INPP4A: variants seen among roughly 807,000 people sequenced by gnomAD.
INPP4A encodes the protein inositol polyphosphate-4-phosphatase type I A.
Under a neutral mutation model 119.8 loss-of-function variants are expected in INPP4A, and 33 were observed. The observed-to-expected ratio is 0.28, with a 90% CI of 0.21 to 0.37. The LOEUF (loss-of-function observed/expected upper bound fraction) is 0.37. Ranked by LOEUF, INPP4A falls within the 10% of genes least tolerant of loss-of-function variation. The pLI, the probability that INPP4A is intolerant of heterozygous loss-of-function variation, is 1.00. For missense variants in INPP4A, 956 were observed against 1,289.9 expected (o/e 0.74, Z 3.97); for synonymous variants, 496 against 500.7 (o/e 0.99, Z 0.12).
chr2:98,585,300 G>GA (rs1699830834), intron 24 of INPP4A, among the ~76,000 whole-genome samples: 1 of 152,210 alleles, frequency 6.6e-6, no homozygotes, highest in Admixed American at 6.5e-5. Context: ...ACTGGAACCG[G>GA]AAAACTAGAG....
intron 2 of INPP4A, 35 bp downstream of exon 2, chr2:98,519,060 G>A (rs1378177913): frequency 1.3e-5 from 2 of 152,256 alleles, no homozygotes; most frequent in African/African-American, 4.8e-5. Context: ...AAGGACAGGA[G>A]CCCAGGTCCT....
intron 13 of INPP4A, among the ~76,000 whole-genome samples, chr2:98,551,019 C>T (rs979108106): frequency 2.6e-5 from 4 of 151,980 alleles, no homozygotes; most frequent in African/African-American, 4.8e-5. Flanking sequence ...GCACTGGCAC[C>T]GTCATAACTC....
Position 98,574,211 on chromosome 2 carries a change from G to A in INPP4A, c.2631+1284G>A, listed in dbSNP as rs748918866. Among the ~76,000 whole-genome samples, 25 of 152,096 alleles carry A rather than the reference G, an allele frequency of 1.6e-4. 1 individual carries two copies. The highest frequency in any genetic ancestry group is 8.3e-4 in the South Asian group (4 of 4,824). On this transcript the variant is annotated intron_variant, in intron 23 of 24. Transcript: ENST00000409851. Reference sequence around the variant, plus strand: ...CTGGCTACGGGGGTCTCTGCAGCAGGACAGAGGGGGCTCCCTACTTTTATT... The same window carrying A: ...CTGGCTACGGGGGTCTCTGCAGCAGAACAGAGGGGGCTCCCTACTTTTATT...
chr2:98,465,483 A>G (rs565639686), intron 1 of INPP4A, among the ~76,000 whole-genome samples: 2 of 152,344 alleles, frequency 1.3e-5, no homozygotes, highest in South Asian at 4.1e-4. Flanking sequence ...CCTTTGCTGT[A>G]TAAGGTAACA....
At chr2:98,565,413 G>A (rs923796237) in intron 19 of INPP4A, among the ~76,000 whole-genome samples, 1 of 152,166 alleles carries the variant, frequency 6.6e-6, no homozygotes, top group African/African-American at 2.4e-5. Flanking sequence ...GGGATGGCGC[G>A]TGTTTCCACC....
intron 1 of INPP4A, among the ~76,000 whole-genome samples, chr2:98,477,435 T>C (rs1421601221): frequency 6.6e-6 from 1 of 152,220 alleles, no homozygotes; most frequent in African/African-American, 2.4e-5. Context: ...CTGACCCGTT[T>C]CCAGATTCTA....
In INPP4A at chr2:98,555,667, G is replaced by T. The variant is rs1290664977; in HGVS notation, c.1681G>T (p.Ala561Ser). Residue 561 changes from alanine to serine, a missense_variant, in exon 16 of 25, where the codon GCA (alanine) becomes TCA (serine). Physicochemically the swap from Ala to Ser is moderately conservative, Grantham distance 99 (BLOSUM62 1). Transcript: ENST00000409851. ...GEGCEDVFPC[A>S]GSCTSKKGNP... The stretch of plus-strand genomic sequence containing the variant: ...GGGCTGTGAGGATGTCTTCCCCTGT[G>T]CAGGCAGCTGCACCAGCAAGAAAGG... The T allele has an allele frequency of 3.1e-6, 5 of 1,613,976 alleles. No homozygotes were observed. Among genetic ancestry groups the T allele is most frequent in the African/African-American group, 2.7e-5 (2 of 75,032 alleles).
chr2:98,533,079 T>C (rs1415162715), intron 4 of INPP4A, among the ~76,000 whole-genome samples: 7 of 152,158 alleles, frequency 4.6e-5, no homozygotes, highest in Non-Finnish European at 1.0e-4. Flanking sequence ...ACTTGAAGGG[T>C]TGGACCTATA....
In INPP4A at chr2:98,546,817, AG is replaced by A. The variant is rs1692560310; in HGVS notation, c.1163+125del. 1.5e-6 allele frequency: 1 copy of A among 677,038 alleles called. No individual in the cohort carries two copies. Among genetic ancestry groups the A allele is most frequent in the Non-Finnish European group, 2.7e-6 (1 of 374,972 alleles). The allele number at this position is 677,038 out of a possible 1,614,324, so 41.9% of individuals were successfully genotyped here. On this transcript the variant is annotated intron_variant, in intron 13 of 24. Coordinates refer to ENST00000409851, the MANE Select transcript of INPP4A (RefSeq NM_001134225.2). This position sits in a 1 kb window ranked among gnomAD's most constrained non-coding sequence, Gnocchi z 4.2. ...GCCATCTGATCTGCTTTTGCGTGGC[AG>A]GAGGATCTGCCTTATGGAGCCTGTG...
chr2:98,543,392 C>T (rs1024709121), intron 10 of INPP4A, among the ~76,000 whole-genome samples: 3 of 152,162 alleles, frequency 2.0e-5, no homozygotes, highest in Non-Finnish European at 1.5e-5. Flanking sequence ...CAATGAGAAG[C>T]GCTGTCCTGA....
chr2:98,446,383 G>GA (rs954895550), intron 1 of INPP4A, among the ~76,000 whole-genome samples: 9 of 152,186 alleles, frequency 5.9e-5, no homozygotes, highest in Non-Finnish European at 8.8e-5. Context: ...TTTCTTTGAA[G>GA]AAAGATGAAT....
intron 4 of INPP4A, among the ~76,000 whole-genome samples, chr2:98,525,850 C>G (rs541712014): frequency 6.6e-6 from 1 of 152,200 alleles, no homozygotes; most frequent in Non-Finnish European, 1.5e-5. Flanking sequence ...ACAAAACACT[C>G]TACCCAACTG....
intron 10 of INPP4A, among the ~76,000 whole-genome samples, chr2:98,540,804 T>C (rs1405558904): frequency 1.3e-5 from 2 of 152,220 alleles, no homozygotes; most frequent in Non-Finnish European, 2.9e-5. Flanking sequence ...CCTCGTCATC[T>C]CTTAAAGGTC....
intron 1 of INPP4A, among the ~76,000 whole-genome samples, chr2:98,476,400 G>A (rs1677206769): frequency 1.3e-5 from 2 of 152,282 alleles, no homozygotes; most frequent in Middle Eastern, 6.8e-3. Context: ...GCTGTCCCTC[G>A]GGAGGGTTCA....
chr2:98,534,427 A>G (rs72935486), intron 5 of INPP4A, among the ~76,000 whole-genome samples: 5,665 of 152,248 alleles, frequency 0.037, 357 homozygotes, highest in African/African-American at 0.13. Flanking sequence ...TGAGAGTCAG[A>G]GCAGGCTTCC....
rs1351104146 is a variant in INPP4A at position 98,576,690 on chromosome 2, G to A, written c.2632-299G>A. On this transcript the variant is annotated intron_variant, in intron 23 of 24. Transcript: ENST00000409851. Reference sequence around the variant, plus strand: ...CAGGCATGGCTTGGAAGGGGACAGCGGACTGCAAAAGAGTGTCCTGTGGGA... The same window carrying A: ...CAGGCATGGCTTGGAAGGGGACAGCAGACTGCAAAAGAGTGTCCTGTGGGA... Among the ~76,000 whole-genome samples, 10 of 152,220 alleles carry A rather than the reference G, an allele frequency of 6.6e-5. 1 individual carries two copies. Among genetic ancestry groups the A allele is most frequent in the Admixed American group, 3.9e-4 (6 of 15,292 alleles).
chr2:98,553,366 G>GATAAA (rs200316809), intron 14 of INPP4A, among the ~76,000 whole-genome samples: 2 of 149,612 alleles, frequency 1.3e-5, no homozygotes, highest in East Asian at 3.9e-4. Flanking sequence ...ACAGACATAA[G>GATAAA]AAGAATATAA....
chr2:98,449,951 A>T (rs1230147009), intron 1 of INPP4A, among the ~76,000 whole-genome samples: 19 of 152,308 alleles, frequency 1.2e-4, no homozygotes, highest in Admixed American at 1.1e-3. Context: ...TGTATATTTT[A>T]ACTTCTAATG....
intron 1 of INPP4A, among the ~76,000 whole-genome samples, chr2:98,465,325 G>A (rs754339517): frequency 6.6e-6 from 1 of 152,082 alleles, no homozygotes; most frequent in Non-Finnish European, 1.5e-5. Flanking sequence ...CCGTGACTCC[G>A]CTTCTCTCTG....
Sources: allele counts gnomAD v4.1 joint callset (sites outside exome capture counted in the v4.1 genomes callset), GRCh38; gene constraint gnomAD v4.1.1; non-coding constraint Gnocchi (gnomAD v3.1); transcripts MANE v1.5; gene names NCBI Gene and HGNC (gene_info 2026-07-23, HGNC 2026-07-21).